The following NAA40 variants were observed in gnomAD, a reference collection of about 807,000 sequenced individuals.
NAA40 encodes N-alpha-acetyltransferase 40, NatD catalytic subunit, also known as N-alpha-acetyltransferase 40.
A neutral mutation model predicts 36.6 loss-of-function variants in NAA40; 26 were observed. That is an observed-to-expected ratio of 0.71 (90% CI 0.52 to 0.98). NAA40 has a LOEUF of 0.98. NAA40 is among the 50% of genes least tolerant of loss of function. The probability of loss-of-function intolerance (pLI) is 0.00; values close to 1 mark genes in which losing one functional copy is unlikely to be tolerated. For missense variants in NAA40, 237 were observed against 306.5 expected, an observed-to-expected ratio of 0.77 and a Z score of 1.69; for synonymous variants, 129 against 108.4, an observed-to-expected ratio of 1.19 and a Z score of -1.18.
Position 63,952,246 on chromosome 11 carries a change from T to A in NAA40, c.164T>A (p.Val55Asp). ...TCCTGTCCTCTTCTCAGGTTGAATGTCTCCATTGAATGTAAGCGAGTGTCT... is the reference window on the plus strand; with the variant it reads ...TCCTGTCCTCTTCTCAGGTTGAATGACTCCATTGAATGTAAGCGAGTGTCT... ...FKKYDRNGLNVSIECKRVSGL... is the reference protein window; with the variant it reads ...FKKYDRNGLNDSIECKRVSGL... The change falls in exon 4 of 8, where the codon GTC (valine) becomes GAC (aspartate). Residue 55 changes from valine to aspartate, a missense_variant. Physicochemically the swap from Val to Asp is radical, Grantham distance 152. Transcript: ENST00000377793. 1 of 1,611,654 alleles carries A rather than the reference T, an allele frequency of 6.2e-7. No homozygotes were observed. Among genetic ancestry groups the A allele is most frequent in the Non-Finnish European group, 8.5e-7 (1 of 1,178,616 alleles).
chr11:63,943,229 C>T (rs1590750237), intron 1 of NAA40, among the ~76,000 whole-genome samples: 1 of 152,086 alleles, frequency 6.6e-6, no homozygotes, highest in Non-Finnish European at 1.5e-5. Context: ...CTGATTGACG[C>T]CAAAGCTCAT....
chr11:63,939,017 G>C lies in NAA40; in HGVS notation c.-80G>C. 1 of 1,366,862 alleles carries C rather than the reference G, an allele frequency of 7.3e-7. No individual in the cohort carries two copies. Among genetic ancestry groups the C allele is most frequent in the South Asian group, 1.2e-5 (1 of 85,182 alleles). The allele number at this position is 1,366,862 out of a possible 1,614,324, so 84.7% of individuals were successfully genotyped here. A position where few individuals can be genotyped will look rare whatever the true frequency, so the allele number is the denominator to read the frequency against. On this transcript the variant is annotated 5_prime_UTR_variant, in exon 1 of 8. Transcript: ENST00000377793. The stretch of plus-strand genomic sequence containing the variant: ...TTGCAGGGCCGTCCGCTCTGCTGCC[G>C]CCGCTGTTGCAGCCACCGCCGTTGC...
chr11:63,947,450 C>T (rs565848572), intron 3 of NAA40, among the ~76,000 whole-genome samples: 6 of 152,176 alleles, frequency 3.9e-5, no homozygotes, highest in Admixed American at 3.3e-4. Context: ...GAAACTGACT[C>T]GTGCCCTATA....
intron 2 of NAA40, chr11:63,946,242 G>C: frequency 3.0e-6 from 1 of 329,984 alleles, no homozygotes; most frequent in South Asian, 3.8e-5. Flanking sequence ...GTCTCACTCT[G>C]TCATCCAGGC....
intron 2 of NAA40, 144 bp downstream of exon 2, chr11:63,946,079 G>T: frequency 2.8e-6 from 2 of 703,196 alleles, no homozygotes; most frequent in East Asian, 5.5e-5. Context: ...AGGGAACTGA[G>T]CTCATACCTG....
chr11:63,939,407 G>A, intron 1 of NAA40: 1 of 1,177,748 alleles, frequency 8.5e-7, no homozygotes, highest in East Asian at 4.0e-5. Flanking sequence ...GGGACCCTGG[G>A]GTTAGCTTCC....
rs545252794 is a variant in NAA40, at chr11:63,947,253, A to G, written c.155+250A>G. On this transcript the variant is annotated intron_variant, in intron 3 of 7. Coordinates refer to ENST00000377793, the MANE Select transcript of NAA40 (RefSeq NM_024771.4). ...GAAACCCCATTTCTACTAAAAATAC[A>G]AAAAATTAGCTGGCACGGTGGCGAT... is the stretch of plus-strand genomic sequence containing the variant. Among the ~76,000 whole-genome samples the G allele has an allele frequency of 3.3e-5, 5 of 152,204 alleles. No homozygotes were observed. The South Asian group carries it at 1.0e-3, about 32-fold the overall frequency.
At chr11:63,940,607 C>T (rs1942093926) in intron 1 of NAA40, among the ~76,000 whole-genome samples, 2 of 152,054 alleles carry the variant, frequency 1.3e-5, no homozygotes, top group East Asian at 3.8e-4. Context: ...TTATTTTTGT[C>T]TGTATCCTCA....
At chr11:63,939,878 G>C (rs953751977) in intron 1 of NAA40, among the ~76,000 whole-genome samples, 3 of 152,060 alleles carry the variant, frequency 2.0e-5, no homozygotes, top group Admixed American at 2.0e-4. Context: ...CACTTGTTCC[G>C]TGCCGGCAGC....
At position 63,953,833 on chromosome 11, in the gene NAA40, T is replaced by C. The variant is rs1022503822; in HGVS notation, c.495-139T>C. ...TTTGTAGAAATGGGGTCCCACTATG[T>C]TTTCCAGGCTGGTCTCTAACTCCTG... is the stretch of plus-strand genomic sequence containing the variant. On this transcript the variant is annotated intron_variant, in intron 6 of 7. Coordinates refer to ENST00000377793, the MANE Select transcript of NAA40 (RefSeq NM_024771.4). The C allele has an allele frequency of 5.5e-6, 4 of 721,780 alleles. No individual in the cohort carries two copies. In the East Asian group the frequency reaches 1.0e-4, roughly 18 times the overall value. 44.7% of individuals were successfully genotyped at this position (721,780 alleles called of 1,614,324 possible). A position where few individuals can be genotyped will look rare whatever the true frequency, so the allele number is the denominator to read the frequency against.
At chr11:63,947,435 A>C (rs1360113114) in intron 3 of NAA40, among the ~76,000 whole-genome samples, 1 of 149,596 alleles carries the variant, frequency 6.7e-6, no homozygotes, top group Non-Finnish European at 1.5e-5. Flanking sequence ...AACAAAACAA[A>C]AGCAGAAACT....
At chr11:63,946,592 T>A in intron 2 of NAA40, 1 of 1,253,084 alleles carries the variant, frequency 8.0e-7, no homozygotes, top group Non-Finnish European at 1.0e-6. Flanking sequence ...GCTCAGGGGC[T>A]TGATTTTCCA....
At chr11:63,942,127 A>G (rs1295446580) in intron 1 of NAA40, among the ~76,000 whole-genome samples, 1 of 152,188 alleles carries the variant, frequency 6.6e-6, no homozygotes, top group East Asian at 1.9e-4. Context: ...CTGGGTGAAC[A>G]TAGCCAGATA....
Position 63,939,025 on chromosome 11 carries a change from T to TG in NAA40, c.-71dup, listed in dbSNP as rs1942060962. On this transcript the variant is annotated 5_prime_UTR_variant, in exon 1 of 8. Coordinates refer to ENST00000377793, the MANE Select transcript of NAA40 (RefSeq NM_024771.4). Reference sequence around the variant, plus strand: ...CCGTCCGCTCTGCTGCCGCCGCTGTTGCAGCCACCGCCGTTGCCGCCTCCC... The same window carrying TG: ...CCGTCCGCTCTGCTGCCGCCGCTGTTGGCAGCCACCGCCGTTGCCGCCTCCC... The TG allele has an allele frequency of 5.8e-6, 9 of 1,551,404 alleles. No homozygotes were observed. The South Asian group carries it at 1.0e-4, about 17-fold the overall frequency.
chr11:63,939,364 C>T, intron 1 of NAA40: 1 of 1,253,226 alleles, frequency 8.0e-7, no homozygotes, highest in Non-Finnish European at 1.0e-6. Context: ...CTTCGCGGAC[C>T]CGTTACTGGC....
chr11:63,939,042 C>G lies in NAA40; in HGVS notation c.-55C>G. On this transcript the variant is annotated 5_prime_UTR_variant, in exon 1 of 8. Transcript: ENST00000377793. ...GCCGCTGTTGCAGCCACCGCCGTTG[C>G]CGCCTCCCTGCCGGCAAGTGTGTGA... 6.3e-7 allele frequency: 1 copy of G among 1,594,708 alleles called. No homozygotes were observed. The highest frequency in any genetic ancestry group is 1.1e-5 in the South Asian group (1 of 90,402).
chr11:63,940,544 A>G (rs1942092022), intron 1 of NAA40, among the ~76,000 whole-genome samples: 1 of 152,068 alleles, frequency 6.6e-6, no homozygotes, highest in Non-Finnish European at 1.5e-5. Context: ...AGTGAAGATT[A>G]AGTGAGATAA....
At position 63,952,679 on chromosome 11, in the gene NAA40, T is replaced by C. The variant is rs184651232; in HGVS notation, c.411-77T>C. 7,321 of 1,602,384 alleles carry C rather than the reference T, an allele frequency of 4.6e-3. 30 individuals carry two copies. Among genetic ancestry groups the C allele is most frequent in the Middle Eastern group, 1.0e-2 (60 of 6,028 alleles). On this transcript the variant is annotated intron_variant, in intron 5 of 7. Coordinates refer to ENST00000377793, the MANE Select transcript of NAA40 (RefSeq NM_024771.4). ...CCTAGGTCTATGAGCTGCCAAGGAC[T>C]GCAAGCTCCTCTGCCAGACCTTACA...
rs1430330447 is a variant in NAA40 at position 63,939,083 on chromosome 11, T to C, written c.-14T>C. ...AAGTGTGTGAAGAAGAAGCTGAGCGTTGTCGCCGCCGCTATGGGGGTGAGT... is the reference window on the plus strand; with the variant it reads ...AAGTGTGTGAAGAAGAAGCTGAGCGCTGTCGCCGCCGCTATGGGGGTGAGT... On this transcript the variant is annotated 5_prime_UTR_variant, in exon 1 of 8. Coordinates refer to ENST00000377793, the MANE Select transcript of NAA40 (RefSeq NM_024771.4). 2 of 1,604,320 alleles carry C rather than the reference T, an allele frequency of 1.2e-6. No homozygotes were observed. The highest frequency in any genetic ancestry group is 2.3e-5 in the East Asian group (1 of 43,186).
Sources: allele counts gnomAD v4.1 joint callset (sites outside exome capture counted in the v4.1 genomes callset), GRCh38; gene constraint gnomAD v4.1.1; transcripts MANE v1.5; gene names NCBI Gene and HGNC (gene_info 2026-07-23, HGNC 2026-07-21).